Variants in COL11A2 observed in about 807,000 individuals in gnomAD.
COL11A2 encodes collagen type XI alpha 2 chain, also known as collagen alpha-2(XI) chain.
A neutral mutation model predicts 273.4 loss-of-function variants in COL11A2; 116 were observed. The observed-to-expected ratio is 0.42, with a 90% CI of 0.36 to 0.49. The LOEUF is 0.49. Ranked by LOEUF, COL11A2 falls within the 20% of genes least tolerant of loss-of-function variation. COL11A2 has a pLI of 0.00. For missense variants in COL11A2, 1,866 were observed against 2,309.0 expected, an observed-to-expected ratio of 0.81 and a Z score of 3.93; for synonymous variants, 782 against 864.2, an observed-to-expected ratio of 0.90 and a Z score of 1.67.
upstream of COL11A2, among the ~76,000 whole-genome samples, chr6:33,192,753 C>T (rs1773301272): frequency 6.6e-6 from 1 of 151,946 alleles, no homozygotes; most frequent in African/African-American, 2.4e-5. Flanking sequence ...CCCATTCCCT[C>T]CCTCTTGGGG....
chr6:33,170,000 C>T lies in COL11A2; in HGVS notation c.3636+47G>A. The T allele has an allele frequency of 6.2e-7, 1 of 1,612,864 alleles. No individual in the cohort carries two copies. Among genetic ancestry groups the T allele is most frequent in the South Asian group, 1.1e-5 (1 of 91,058 alleles). On this transcript the variant is annotated intron_variant, in intron 49 of 65. Coordinates refer to ENST00000341947, the MANE Select transcript of COL11A2 (RefSeq NM_080680.3). This position sits in a 1 kb window ranked among gnomAD's most constrained non-coding sequence, Gnocchi z 5.5. ...CCCAAAATTGGCAGAAATCCAACTC[C>T]CATCCCCCACTTCCATGACTGGTCC...
At position 33,166,546 on chromosome 6, in the gene COL11A2, G is replaced by T. The variant is rs1281232052; in HGVS notation, c.4359C>A (p.Gly1453=). 6.2e-7 allele frequency: 1 copy of T among 1,613,836 alleles called. No homozygotes were observed. ...CGGGGGGACCTCCAGGACCAATGGG[G>T]CCGGATGCTCCTGGGATACCCTAGG... ...KGEMGIPGAS[G]PIGPGGPPGL... is the part of the protein sequence containing the mutation. The change falls in exon 60 of 66, where the codon GGC becomes GGA. Residue 1453 remains glycine, a synonymous_variant. Coordinates refer to ENST00000341947, the MANE Select transcript of COL11A2 (RefSeq NM_080680.3). The surrounding 1 kb of genome is among the most constrained non-coding windows in gnomAD (Gnocchi z 4.8).
rs978365430 is a variant in COL11A2, at chr6:33,163,323, C to T, written c.*355G>A. 2 of 307,096 alleles carry T rather than the reference C, an allele frequency of 6.5e-6. No individual in the cohort carries two copies. The highest frequency in any genetic ancestry group is 2.1e-5 in the African/African-American group (1 of 47,278). The allele number at this position is 307,096 out of a possible 1,614,324, so 19.0% of individuals were successfully genotyped here. A position where few individuals can be genotyped will look rare whatever the true frequency, so the allele number is the denominator to read the frequency against. ...TTCTCTTTTTTGTTATTTTGCTTTC[C>T]ACACTTTAAATAATTAATACAATTA... On this transcript the variant is annotated 3_prime_UTR_variant, in exon 66 of 66. Coordinates refer to ENST00000341947, the MANE Select transcript of COL11A2 (RefSeq NM_080680.3). The surrounding 1 kb of genome is among the most constrained non-coding windows in gnomAD (Gnocchi z 4.1).
Position 33,177,679 on chromosome 6 carries a change from C to T in COL11A2, c.1900G>A (p.Gly634Ser), listed in dbSNP as rs1771115773. The T allele has an allele frequency of 6.2e-7, 1 of 1,612,990 alleles. No individual in the cohort carries two copies. Reference protein sequence around the residue: ...PGVRGMDGPQGPKGSLGPQGE... With the variant: ...PGVRGMDGPQSPKGSLGPQGE... ...TCACTCACCAAGCTCCCTTTGGGGC[C>T]CTGGGGACCATCCATGCCTCGGACG... Residue 634 changes from glycine to serine, a missense_variant, in exon 22 of 66, where the codon GGC becomes AGC. Physicochemically the swap from Gly to Ser is moderately conservative, Grantham distance 56 (BLOSUM62 0). Coordinates refer to ENST00000341947, the MANE Select transcript of COL11A2 (RefSeq NM_080680.3). The surrounding 1 kb of genome is among the most constrained non-coding windows in gnomAD (Gnocchi z 5.9).
rs549704545 is a variant in COL11A2 at position 33,180,330 on chromosome 6, G to C, written c.1287C>G (p.Gly429=). ...PGPVGDPGER[G]PPGRAGLPGS... ...CAGGGAGCCCTGCTCGGCCAGGGGG[G>C]CCCTGGAGTGGGAAGAGAATGCAAA... The change falls in exon 12 of 66, where the codon GGC becomes GGG. Residue 429 remains glycine (G), a splice_region_variant and synonymous_variant. Coordinates refer to ENST00000341947, the MANE Select transcript of COL11A2 (RefSeq NM_080680.3). 6.2e-7 allele frequency: 1 copy of C among 1,611,182 alleles called. No individual in the cohort carries two copies. The highest frequency in any genetic ancestry group is 1.3e-5 in the African/African-American group (1 of 74,934).
chr6:33,179,852 G>C lies in COL11A2; in HGVS notation c.1360-47C>G. On this transcript the variant is annotated intron_variant, in intron 12 of 65. Transcript: ENST00000341947. The surrounding 1 kb of genome is among the most constrained non-coding windows in gnomAD (Gnocchi z 6.4). ...CCAGGTTCTCTTCCAAGAAAGCCAT[G>C]GGACCCTCCCAGCCAGAGGCTTTCT... 1 of 1,562,754 alleles carries C rather than the reference G, an allele frequency of 6.4e-7. No individual in the cohort carries two copies. The highest frequency in any genetic ancestry group is 1.1e-5 in the South Asian group (1 of 90,246).
chr6:33,168,388 C>T (rs1562317547), intron 54 of COL11A2, 131 bp downstream of exon 54: 1 of 1,039,038 alleles, frequency 9.6e-7, no homozygotes, highest in Non-Finnish European at 1.5e-6. Flanking sequence ...CCACCAGCTC[C>T]TGCACACACA....
chr6:33,165,084 C>A lies in COL11A2; in HGVS notation c.4751-120G>T. 1.3e-6 allele frequency: 1 copy of A among 747,714 alleles called. No individual in the cohort carries two copies. The allele number at this position is 747,714 out of a possible 1,614,324, so 46.3% of individuals were successfully genotyped here. ...CCATCATGCTCTTAGTCTCCTGGTC[C>A]TCCTCCCTCCCAGAGCCCTAGAATC... On this transcript the variant is annotated intron_variant, in intron 63 of 65. Transcript: ENST00000341947. This position sits in a 1 kb window ranked among gnomAD's most constrained non-coding sequence, Gnocchi z 7.7.
chr6:33,170,084 G>T lies in COL11A2; in HGVS notation c.3599C>A (p.Pro1200Gln), dbSNP rs1379319404. The change falls in exon 49 of 66, where the codon CCA (proline) becomes CAA (glutamine). Residue 1200 changes from proline to glutamine, a missense_variant. By Grantham distance (76) the Pro-to-Gln change is moderately conservative. Coordinates refer to ENST00000341947, the MANE Select transcript of COL11A2 (RefSeq NM_080680.3). This position sits in a 1 kb window ranked among gnomAD's most constrained non-coding sequence, Gnocchi z 4.3. ...PNGADGPQGPPGGVGNLGPPG... is the reference protein window; with the variant it reads ...PNGADGPQGPQGGVGNLGPPG... The stretch of plus-strand genomic sequence containing the variant: ...GGGACCCAGGTTCCCAACACCTCCT[G>T]GGGGACCTTGTGGGCCCTGGAAGAG... 2.5e-6 allele frequency: 4 copies of T among 1,613,046 alleles called. No homozygotes were observed. In the South Asian group the frequency reaches 4.4e-5, roughly 18 times the overall value.
In COL11A2 at chr6:33,167,780, A is replaced by G. The variant is rs1373290809; in HGVS notation, c.4014+19T>C. On this transcript the variant is annotated intron_variant, in intron 55 of 65. Coordinates refer to ENST00000341947, the MANE Select transcript of COL11A2 (RefSeq NM_080680.3). This position sits in a 1 kb window ranked among gnomAD's most constrained non-coding sequence, Gnocchi z 6.1. ...GAGGCGGAGGGGATGCTCCAGCACTAGGGCAGCCTGTCCCTCACCTTGGCT... is the reference window on the plus strand; with the variant it reads ...GAGGCGGAGGGGATGCTCCAGCACTGGGGCAGCCTGTCCCTCACCTTGGCT... The G allele has an allele frequency of 1.2e-6, 2 of 1,612,648 alleles. No homozygotes were observed. Among genetic ancestry groups the G allele is most frequent in the South Asian group, 2.2e-5 (2 of 90,982 alleles).
chr6:33,176,723 G>T lies in COL11A2; in HGVS notation c.2113C>A (p.Gln705Lys). 6.2e-7 allele frequency: 1 copy of T among 1,613,062 alleles called. No individual in the cohort carries two copies. Among genetic ancestry groups the T allele is most frequent in the East Asian group, 2.2e-5 (1 of 44,874 alleles). ...GATAAAGACATGGAAGATCTCACCT[G>T]GTTTCCTTTGGTTCCAGGGGGACCT... ...KEGPPGTKGNQGPSGPQGPLG... is the reference protein window; with the variant it reads ...KEGPPGTKGNKGPSGPQGPLG... The change falls in exon 26 of 66, where the codon CAG becomes AAG. Residue 705 changes from glutamine (Q) to lysine (K), a missense_variant and splice_region_variant. Physicochemically the swap from Gln to Lys is moderately conservative, Grantham distance 53 (BLOSUM62 1). Coordinates refer to ENST00000341947, the MANE Select transcript of COL11A2 (RefSeq NM_080680.3). This position sits in a 1 kb window ranked among gnomAD's most constrained non-coding sequence, Gnocchi z 4.9.
upstream of COL11A2, chr6:33,192,583 C>G: frequency 4.5e-6 from 2 of 446,472 alleles, no homozygotes; most frequent in Non-Finnish European, 8.1e-6. Flanking sequence ...CAGTCTCCAC[C>G]TGGGGAGGGA....
At chr6:33,175,764 TGAG>T (rs1362274830) in intron 29 of COL11A2, 83 bp from the exon 30 acceptor site, 6 of 1,364,596 alleles carry the variant, frequency 4.4e-6, no homozygotes, top group South Asian at 1.2e-5. Flanking sequence ...ACAGTGAGGC[TGAG>T]GAGGGCTAGA....
rs1373121924 is a variant in COL11A2, at chr6:33,167,047, C to A, written c.4230+23G>T. The stretch of plus-strand genomic sequence containing the variant: ...CGAGGGTGATGGGAGAGACACCTGG[C>A]CACGTGTCTGTCTGTCACTCACCTT... On this transcript the variant is annotated intron_variant, in intron 58 of 65. Coordinates refer to ENST00000341947, the MANE Select transcript of COL11A2 (RefSeq NM_080680.3). This position sits in a 1 kb window ranked among gnomAD's most constrained non-coding sequence, Gnocchi z 6.1. The A allele has an allele frequency of 6.2e-7, 1 of 1,612,822 alleles. No individual in the cohort carries two copies. Among genetic ancestry groups the A allele is most frequent in the Non-Finnish European group, 8.5e-7 (1 of 1,179,932 alleles).
intron 7 of COL11A2, 78 bp from the exon 8 acceptor site, chr6:33,184,402 T>A: frequency 1.5e-5 from 16 of 1,034,408 alleles, no homozygotes; most frequent in East Asian, 5.0e-5. Flanking sequence ...CCCCAGGGTG[T>A]GACAACTTCT....
rs727502942 is a variant in COL11A2 at position 33,173,569 on chromosome 6, T to TG, written c.2629-15dup. 1 of 1,031,156 alleles carries TG rather than the reference T, an allele frequency of 9.7e-7. No individual in the cohort carries two copies. Among genetic ancestry groups the TG allele is most frequent in the Non-Finnish European group, 1.3e-6 (1 of 797,540 alleles). 63.9% of individuals were successfully genotyped at this position (1,031,156 alleles called of 1,614,324 possible). A position where few individuals can be genotyped will look rare whatever the true frequency, so the allele number is the denominator to read the frequency against. ...TCCAGGGAGGCCCTAGAGACAGAGG[T>TG]GGGGGGAGTCAGGAGAATGGGGGCA... On this transcript the variant is annotated splice_polypyrimidine_tract_variant and intron_variant, in intron 35 of 65. Coordinates refer to ENST00000341947, the MANE Select transcript of COL11A2 (RefSeq NM_080680.3). The surrounding 1 kb of genome is among the most constrained non-coding windows in gnomAD (Gnocchi z 6.3).
Position 33,173,964 on chromosome 6 carries a change from GC to G in COL11A2, c.2530-39del. The G allele has an allele frequency of 6.2e-7, 1 of 1,613,940 alleles. No individual in the cohort carries two copies. The highest frequency in any genetic ancestry group is 8.5e-7 in the Non-Finnish European group (1 of 1,179,946). On this transcript the variant is annotated intron_variant, in intron 33 of 65. Transcript: ENST00000341947. This position sits in a 1 kb window ranked among gnomAD's most constrained non-coding sequence, Gnocchi z 6.3. The stretch of plus-strand genomic sequence containing the variant: ...GAGGAGTTGTCAGAGAAACCCAAAT[GC>G]CCCCCTCTGGACCTTGAGCCACCTG...
rs139283268 is a variant in COL11A2 at position 33,167,507 on chromosome 6, C to T, written c.4041G>A (p.Pro1347=). ...AKGDPGAIGA[P]GKTGPVGPAG... is the part of the protein sequence containing the mutation. ...CAGGACCCACCGGGCCTGTCTTCCC[C>T]GGGGCACCTATAGCGCCAGGATCTC... The change falls in exon 56 of 66, where the codon CCG becomes CCA. Residue 1347 remains proline (P), a synonymous_variant. Transcript: ENST00000341947. This position sits in a 1 kb window ranked among gnomAD's most constrained non-coding sequence, Gnocchi z 6.1. The T allele has an allele frequency of 4.1e-4, 662 of 1,612,848 alleles. 1 individual carries two copies. In the African/African-American group the frequency reaches 6.2e-3, roughly 15 times the overall value.
rs2855434 is a variant in COL11A2, at chr6:33,171,885, A to G, written c.3043-65T>C. 1,178,371 of 1,581,804 alleles carry G rather than the reference A, an allele frequency of 0.74. 443,115 individuals carry two copies. Among genetic ancestry groups the G allele is most frequent in the East Asian group, 0.98 (43,800 of 44,626 alleles). ...CAGCCCGCCCATACCAGAGAACCTC[A>G]GACCACAATTCCCAAAAGCTCCCAA... On this transcript the variant is annotated intron_variant, in intron 41 of 65. Transcript: ENST00000341947.
Sources: allele counts gnomAD v4.1 joint callset (sites outside exome capture counted in the v4.1 genomes callset), GRCh38; gene constraint gnomAD v4.1.1; non-coding constraint Gnocchi (gnomAD v3.1); transcripts MANE v1.5; gene names NCBI Gene and HGNC (gene_info 2026-07-23, HGNC 2026-07-21).